GRIN2D: variants seen among roughly 807,000 people sequenced by gnomAD.
GRIN2D encodes the protein glutamate ionotropic receptor NMDA type subunit 2D.
In GRIN2D, 37 loss-of-function variants were observed where a neutral mutation model predicts 103.2. The ratio of observed to expected loss-of-function variants is 0.36; its 90% CI spans 0.28 to 0.47. GRIN2D has a LOEUF of 0.47. Ranked by LOEUF, GRIN2D falls within the 20% of genes least tolerant of loss-of-function variation. The pLI, the probability that GRIN2D is intolerant of heterozygous loss-of-function variation, is 1.00. For missense variants in GRIN2D, 1,557 were observed against 1,910.6 expected (o/e 0.81, Z 3.45); for synonymous variants, 845 against 885.6 (o/e 0.95, Z 0.81).
At chr19:48,436,593 T>C (rs772402075) in intron 11 of GRIN2D, among the ~76,000 whole-genome samples, 17 of 152,370 alleles carry the variant, frequency 1.1e-4, no homozygotes, top group Non-Finnish European at 2.4e-4. Context: ...AGTATCGATT[T>C]TGTTTCAGAG....
intron 7 of GRIN2D, among the ~76,000 whole-genome samples, chr19:48,415,428 G>A (rs1970934202): frequency 6.7e-6 from 1 of 149,876 alleles, no homozygotes; most frequent in African/African-American, 2.5e-5. Context: ...CGGCCAAATT[G>A]AGGAAACACC....
In GRIN2D at chr19:48,410,527, C is replaced by CA. The variant is rs4009666; in HGVS notation, c.1086-3440dup. On this transcript the variant is annotated intron_variant, in intron 4 of 13. Coordinates refer to ENST00000263269, the MANE Select transcript of GRIN2D (RefSeq NM_000836.4). ...TGGGCAACAGAGTGAGACTCTGACT[C>CA]AAAAAAAAAAAAAAAAAAAAAAAAG... Among the ~76,000 whole-genome samples, 219 of 44,792 alleles carry CA rather than the reference C, an allele frequency of 4.9e-3. 4 individuals carry two copies. The highest frequency in any genetic ancestry group is 6.2e-3 in the Non-Finnish European group (158 of 25,558). The allele number at this position is 44,792 out of a possible 152,430, so 29.4% of individuals were successfully genotyped here. A position where few individuals can be genotyped will look rare whatever the true frequency, so the allele number is the denominator to read the frequency against.
intron 8 of GRIN2D, among the ~76,000 whole-genome samples, chr19:48,416,408 T>G (rs1364883041): frequency 6.6e-6 from 1 of 152,230 alleles, no homozygotes; most frequent in Non-Finnish European, 1.5e-5. Flanking sequence ...TCTCTTGCAC[T>G]GCAGCTTCCA....
intron 11 of GRIN2D, among the ~76,000 whole-genome samples, chr19:48,431,907 T>A (rs1336048058): frequency 6.9e-6 from 1 of 145,218 alleles, no homozygotes; most frequent in Non-Finnish European, 1.5e-5. Context: ...TTTTCTTTTA[T>A]CTTTTCTTTA....
At chr19:48,400,416 G>C (rs1258582956) in intron 3 of GRIN2D, among the ~76,000 whole-genome samples, 2 of 152,222 alleles carry the variant, frequency 1.3e-5, no homozygotes, top group Admixed American at 6.5e-5. Flanking sequence ...AAGGACCTCT[G>C]TCCAACTTTC....
At chr19:48,419,016 T>C (rs1970981003) in intron 8 of GRIN2D, among the ~76,000 whole-genome samples, 2 of 151,530 alleles carry the variant, frequency 1.3e-5, no homozygotes, top group African/African-American at 4.9e-5. Context: ...TCCCTGCTGG[T>C]AGTACCCTAG....
intron 11 of GRIN2D, among the ~76,000 whole-genome samples, chr19:48,439,433 A>G (rs995748002): frequency 6.6e-6 from 1 of 152,152 alleles, no homozygotes. Context: ...ACTATGCCCC[A>G]GCCACAGATG....
At chr19:48,437,833 C>A (rs909594014) in intron 11 of GRIN2D, among the ~76,000 whole-genome samples, 4 of 152,184 alleles carry the variant, frequency 2.6e-5, no homozygotes, top group African/African-American at 9.7e-5. Context: ...TGCCTGCAGG[C>A]AGTGGTGGTA....
chr19:48,433,522 C>T (rs1402782873), intron 11 of GRIN2D, among the ~76,000 whole-genome samples: 3 of 152,190 alleles, frequency 2.0e-5, no homozygotes, highest in African/African-American at 7.2e-5. Context: ...CTGGCCGGCT[C>T]GCAGGCCAAA....
chr19:48,421,856 C>T lies in GRIN2D; in HGVS notation c.2163C>T (p.Asn721=). Residue 721 remains asparagine, a synonymous_variant, in exon 11 of 14, where the codon AAC becomes AAT. Coordinates refer to ENST00000263269, the MANE Select transcript of GRIN2D (RefSeq NM_000836.4). The surrounding 1 kb of genome is among the most constrained non-coding windows in gnomAD (Gnocchi z 4.8). ...TGCCCAACGGCTCCACGGAGAAGAACATCCGCAGCAACTATCCCGACATGC... is the reference window on the plus strand; with the variant it reads ...TGCCCAACGGCTCCACGGAGAAGAATATCCGCAGCAACTATCCCGACATGC... ...GTVPNGSTEK[N]IRSNYPDMHS... The T allele has an allele frequency of 6.2e-7, 1 of 1,614,114 alleles. No individual in the cohort carries two copies. Among genetic ancestry groups the T allele is most frequent in the Non-Finnish European group, 8.5e-7 (1 of 1,179,986 alleles).
At position 48,411,478 on chromosome 19, in the gene GRIN2D, T is replaced by C. The variant is rs1194447731; in HGVS notation, c.1086-2513T>C. 2.0e-5 allele frequency among the ~76,000 whole-genome samples: 3 copies of C among 151,706 alleles called. No individual in the cohort carries two copies. The East Asian group carries it at 5.8e-4, about 29-fold the overall frequency. ...CAGCCTGACCAACATGGTGAAACCC[T>C]GTCTCTACTAAAAATACAAAATTAG... On this transcript the variant is annotated intron_variant, in intron 4 of 13. Transcript: ENST00000263269.
intron 4 of GRIN2D, among the ~76,000 whole-genome samples, chr19:48,412,018 C>G (rs2147447987): frequency 6.6e-6 from 1 of 151,514 alleles, no homozygotes; most frequent in African/African-American, 2.4e-5. Flanking sequence ...AGTAGTGAGA[C>G]CCTATCTCTA....
At chr19:48,417,282 T>A (rs1970960544) in intron 8 of GRIN2D, among the ~76,000 whole-genome samples, 1 of 151,932 alleles carries the variant, frequency 6.6e-6, no homozygotes, top group East Asian at 1.9e-4. Context: ...TGGAAGCAAG[T>A]GGCTGGTGGG....
rs1443555162 is a variant in GRIN2D, at chr19:48,415,103, G to T, written c.1581+71G>T. 9.6e-6 allele frequency: 13 copies of T among 1,356,114 alleles called. No homozygotes were observed. In the East Asian group the frequency reaches 2.8e-4, roughly 29 times the overall value. 84.0% of individuals were successfully genotyped at this position (1,356,114 alleles called of 1,614,324 possible). A position where few individuals can be genotyped will look rare whatever the true frequency, so the allele number is the denominator to read the frequency against. On this transcript the variant is annotated intron_variant, in intron 7 of 13. Coordinates refer to ENST00000263269, the MANE Select transcript of GRIN2D (RefSeq NM_000836.4). Reference sequence around the variant, plus strand: ...GAGGCGGGCACAGCCGGGCGTGGTGGCTCACGCCTGTAATCCCAGCACTTT... The same window carrying T: ...GAGGCGGGCACAGCCGGGCGTGGTGTCTCACGCCTGTAATCCCAGCACTTT...
intron 11 of GRIN2D, among the ~76,000 whole-genome samples, chr19:48,426,596 A>AT (rs1400566296): frequency 7.0e-6 from 1 of 141,920 alleles, no homozygotes; most frequent in African/African-American, 2.6e-5. Flanking sequence ...TTATTTATTT[A>AT]TTTTTTCAGA....
intron 11 of GRIN2D, among the ~76,000 whole-genome samples, chr19:48,422,408 C>G (rs532533797): frequency 6.6e-6 from 1 of 152,004 alleles, no homozygotes; most frequent in Admixed American, 6.6e-5. Context: ...GTCAGGAGAT[C>G]GAGACCATCC....
chr19:48,394,857 C>T lies in GRIN2D; in HGVS notation c.-106C>T, dbSNP rs181253715. 5.2e-3 allele frequency: 800 copies of T among 154,254 alleles called. 5 individuals are homozygous for T. The highest frequency in any genetic ancestry group is 7.6e-3 in the Non-Finnish European group (527 of 69,302). The allele number at this position is 154,254 out of a possible 1,614,324, so 9.6% of individuals were successfully genotyped here. A position where few individuals can be genotyped will look rare whatever the true frequency, so the allele number is the denominator to read the frequency against. On this transcript the variant is annotated 5_prime_UTR_variant, in exon 2 of 14. Coordinates refer to ENST00000263269, the MANE Select transcript of GRIN2D (RefSeq NM_000836.4). This position sits in a 1 kb window ranked among gnomAD's most constrained non-coding sequence, Gnocchi z 5.1. The stretch of plus-strand genomic sequence containing the variant: ...CGACATCGGCTCTCTGAGCCCTCCT[C>T]GGAATCTTGGGGTCGCTGGACGCCG...
At chr19:48,398,934 C>T (rs1600967736) in intron 3 of GRIN2D, 77 bp downstream of exon 3, 3 of 83,692 alleles carry the variant, frequency 3.6e-5, no homozygotes, top group Non-Finnish European at 5.4e-5. Context: ...GGACAGCCAG[C>T]GGGGGCGGGG....
Position 48,393,937 on chromosome 19 carries a change from G to A in GRIN2D, c.-306+69G>A, listed in dbSNP as rs540216276. ...GGGGGGTGTGTCTGTAAGCGCTGCG[G>A]CGGCGGAGGGAGGGAGGGGTCTGTC... On this transcript the variant is annotated intron_variant, in intron 1 of 13. Coordinates refer to ENST00000263269, the MANE Select transcript of GRIN2D (RefSeq NM_000836.4). This position sits in a 1 kb window ranked among gnomAD's most constrained non-coding sequence, Gnocchi z 5.6. 6.6e-6 allele frequency among the ~76,000 whole-genome samples: 1 copy of A among 152,220 alleles called. No homozygotes were observed. The highest frequency in any genetic ancestry group is 6.5e-5 in the Admixed American group (1 of 15,284).
Sources: gnomAD v4.1 joint callset for allele counts (sites outside exome capture counted in the v4.1 genomes callset) on GRCh38, gnomAD v4.1.1 for gene constraint, Gnocchi (gnomAD v3.1) non-coding constraint, MANE v1.5 for transcripts, NCBI Gene and HGNC (gene_info 2026-07-23, HGNC 2026-07-21) for gene names.